Variants in MYLK observed in about 807,000 individuals in gnomAD.
MYLK encodes myosin light chain kinase, smooth muscle.
In MYLK, 106 loss-of-function variants were observed where a neutral mutation model predicts 203.4. That is an observed-to-expected ratio of 0.52 (90% CI 0.45 to 0.61). The LOEUF is 0.61. Among genes scored for constraint, MYLK ranks in the 20% least tolerant of loss-of-function variants. The pLI is 0.00. For missense variants in MYLK, 2,072 were observed against 2,442.3 expected, an observed-to-expected ratio of 0.85 and a Z score of 3.20; for synonymous variants, 867 against 959.5, an observed-to-expected ratio of 0.90 and a Z score of 1.78.
chr3:123,732,964 C>T lies in MYLK; in HGVS notation c.1448G>A (p.Gly483Glu). The T allele has an allele frequency of 6.2e-7, 1 of 1,614,160 alleles. No individual in the cohort carries two copies. ...CLLKARTRDSGTYSCTASNAQ... is the reference protein window; with the variant it reads ...CLLKARTRDSETYSCTASNAQ... Reference sequence around the variant, plus strand: ...GTTGGAAGCAGTGCAGCTGTATGTCCCACTGTCCCTGGTCCGGGCTTTCAG... The same window carrying T: ...GTTGGAAGCAGTGCAGCTGTATGTCTCACTGTCCCTGGTCCGGGCTTTCAG... The change falls in exon 11 of 34, where the codon GGG becomes GAG. Residue 483 changes from glycine to glutamate, a missense_variant. Around this residue, in one of 3 missense-constraint regions of MYLK, gnomAD observed 683 missense variants for 643.8 expected, o/e 1.06. Coordinates refer to ENST00000360304, the MANE Select transcript of MYLK (RefSeq NM_053025.4).
intron 3 of MYLK, among the ~76,000 whole-genome samples, chr3:123,797,520 G>A (rs931193423): frequency 6.6e-6 from 1 of 152,178 alleles, no homozygotes; most frequent in African/African-American, 2.4e-5. Context: ...ACCCCAGTAA[G>A]AACACTGCTC....
intron 2 of MYLK, among the ~76,000 whole-genome samples, chr3:123,850,482 C>T (rs1375164856): frequency 6.6e-6 from 1 of 152,224 alleles, no homozygotes; most frequent in East Asian, 1.9e-4. Context: ...ATTTGCATTT[C>T]TCTGATGGCC....
intron 4 of MYLK, among the ~76,000 whole-genome samples, chr3:123,760,876 A>C (rs2063513233): frequency 6.6e-6 from 1 of 152,224 alleles, no homozygotes; most frequent in Admixed American, 6.5e-5. Flanking sequence ...TAAAAAACAC[A>C]TTTTAAAACA....
intron 3 of MYLK, among the ~76,000 whole-genome samples, chr3:123,802,324 C>G (rs1040430324): frequency 2.6e-5 from 4 of 152,374 alleles, no homozygotes; most frequent in Admixed American, 1.3e-4. Context: ...CCAGCCCACT[C>G]TTGTCCCAAC....
chr3:123,625,276 G>A (rs534971418), intron 31 of MYLK: 6 of 152,260 alleles, frequency 3.9e-5, no homozygotes, highest in Admixed American at 2.0e-4. Context: ...AGAACTATCC[G>A]GATAGTTTAT....
chr3:123,767,515 G>A (rs989598482), intron 4 of MYLK, among the ~76,000 whole-genome samples: 57 of 152,248 alleles, frequency 3.7e-4, no homozygotes, highest in Non-Finnish European at 6.5e-4. Context: ...GCTGAGGCAC[G>A]AGAATCACTT....
intron 16 of MYLK, among the ~76,000 whole-genome samples, chr3:123,706,589 T>C (rs2061469509): frequency 6.6e-6 from 1 of 152,212 alleles, no homozygotes; most frequent in Admixed American, 6.5e-5. Context: ...GAAGGCATTC[T>C]GTCTCCATCA....
chr3:123,824,897 C>T (rs1347338017), intron 3 of MYLK, among the ~76,000 whole-genome samples: 1 of 151,954 alleles, frequency 6.6e-6, no homozygotes, highest in Non-Finnish European at 1.5e-5. Context: ...GCCTGGAATC[C>T]CAGCACTTCA....
chr3:123,757,108 T>C (rs1369056313), intron 4 of MYLK, among the ~76,000 whole-genome samples: 5 of 152,190 alleles, frequency 3.3e-5, no homozygotes, highest in African/African-American at 1.2e-4. Context: ...TGAGAGGCAG[T>C]TTCCAGAACC....
chr3:123,804,874 C>T (rs928152011), intron 3 of MYLK, among the ~76,000 whole-genome samples: 12 of 152,112 alleles, frequency 7.9e-5, no homozygotes, highest in Admixed American at 6.5e-4. Context: ...AGAAGGAAGG[C>T]GCTTCTGTGT....
chr3:123,662,832 GC>G (rs2059608112), intron 23 of MYLK, among the ~76,000 whole-genome samples: 1 of 152,164 alleles, frequency 6.6e-6, no homozygotes, highest in South Asian at 2.1e-4. Context: ...GGGCATCTGG[GC>G]CAACCTGTCC....
intron 11 of MYLK, among the ~76,000 whole-genome samples, chr3:123,731,422 T>A (rs2062470491): frequency 6.6e-6 from 1 of 152,216 alleles, no homozygotes; most frequent in Non-Finnish European, 1.5e-5. Context: ...TACACAGATC[T>A]TTTCTTCCAT....
In MYLK at chr3:123,737,397, T is replaced by C; in HGVS notation, c.735A>G (p.Ser245=). 1 of 1,614,126 alleles carries C rather than the reference T, an allele frequency of 6.2e-7. No individual in the cohort carries two copies. The highest frequency in any genetic ancestry group is 8.5e-7 in the Non-Finnish European group (1 of 1,180,012). ...CGATACCTTGGATGGAAAGTTCAGC[T>C]GACATCGAGGCCTTCCCCGACCCGT... is the stretch of plus-strand genomic sequence containing the variant. ...VVNGSGKASM[S]AELSIQGLDS... Residue 245 remains serine, a synonymous_variant, in exon 8 of 34, where the codon TCA becomes TCG. Coordinates refer to ENST00000360304, the MANE Select transcript of MYLK (RefSeq NM_053025.4).
intron 13 of MYLK, among the ~76,000 whole-genome samples, chr3:123,710,542 C>A (rs1391897495): frequency 6.6e-6 from 1 of 152,168 alleles, no homozygotes; most frequent in Admixed American, 6.5e-5. Flanking sequence ...ACACTACACT[C>A]ATTAGAATGG....
rs1226235946 is a variant in MYLK, at chr3:123,733,752, T to A, written c.1244A>T (p.Lys415Ile). ...MEGQRDSAFP[K>I]FESKPQSQEV... ...CTGGCTTTGGGGCTTGCTCTCAAAT[T>A]TGGGGAATGCTGAATCCCTCTGGCC... is the stretch of plus-strand genomic sequence containing the variant. The change falls in exon 10 of 34, where the codon AAA (lysine) becomes ATA (isoleucine). Residue 415 changes from lysine (K) to isoleucine (I), a missense_variant. This residue lies in a region of MYLK where 683 missense variants were observed against 643.8 expected (regional missense o/e 1.06). Transcript: ENST00000360304. The A allele has an allele frequency of 6.2e-7, 1 of 1,614,078 alleles. No individual in the cohort carries two copies. The highest frequency in any genetic ancestry group is 1.3e-5 in the African/African-American group (1 of 74,928).
chr3:123,871,714 G>A (rs1021261836), intron 2 of MYLK, among the ~76,000 whole-genome samples: 1 of 151,406 alleles, frequency 6.6e-6, no homozygotes, highest in Non-Finnish European at 1.5e-5. Context: ...AGGTGTCACT[G>A]GCAAATTCTA....
intron 5 of MYLK, among the ~76,000 whole-genome samples, chr3:123,749,968 G>A (rs185756435): frequency 6.6e-6 from 1 of 152,352 alleles, no homozygotes; most frequent in East Asian, 1.9e-4. Context: ...CAGAGAGCTG[G>A]AGGGAAGGCA....
chr3:123,665,462 G>A (rs2059704753), intron 22 of MYLK, among the ~76,000 whole-genome samples: 1 of 152,198 alleles, frequency 6.6e-6, no homozygotes, highest in South Asian at 2.1e-4. Context: ...CTCCCTGTTA[G>A]TACTAAGTGT....
At position 123,767,507 on chromosome 3, in the gene MYLK, T is replaced by C. The variant is rs537909493; in HGVS notation, c.166-14969A>G. 6.6e-5 allele frequency among the ~76,000 whole-genome samples: 10 copies of C among 152,330 alleles called. No individual in the cohort carries two copies. In the South Asian group the frequency reaches 1.7e-3, roughly 25 times the overall value. On this transcript the variant is annotated intron_variant, in intron 4 of 33. Coordinates refer to ENST00000360304, the MANE Select transcript of MYLK (RefSeq NM_053025.4). ...CTGTAATCCCAGATACTCAGGTGGC[T>C]GAGGCACGAGAATCACTTGAACCTG...
Sources: gnomAD v4.1 joint callset for allele counts (sites outside exome capture counted in the v4.1 genomes callset) on GRCh38, gnomAD v4.1.1 for gene constraint, gnomAD v4.1.1 regional missense constraint, MANE v1.5 for transcripts, NCBI Gene and HGNC (gene_info 2026-07-23, HGNC 2026-07-21) for gene names.